The following SPAG16 variants were observed in gnomAD, a reference collection of about 807,000 sequenced individuals.
SPAG16 encodes the protein sperm associated antigen 16.
SPAG16 carries 86 observed loss-of-function variants against 80.4 expected under a neutral mutation model. The ratio of observed to expected loss-of-function variants is 1.07; its 90% CI spans 0.90 to 1.28. The LOEUF is 1.28. SPAG16 is among the 50% of genes most tolerant of loss of function. The probability of loss-of-function intolerance (pLI) is 0.00; values close to 1 mark genes in which losing one functional copy is unlikely to be tolerated. For missense variants in SPAG16, 870 were observed against 765.3 expected (o/e 1.14, Z -1.61); for synonymous variants, 294 against 265.9 (o/e 1.11, Z -1.03).
chr2:213,648,190 G>A (rs936778452), intron 10 of SPAG16, among the ~76,000 whole-genome samples: 7 of 152,024 alleles, frequency 4.6e-5, no homozygotes, highest in African/African-American at 1.7e-4. Context: ...TGAAACTCTA[G>A]GAATAGCAAG....
chr2:213,705,139 T>G (rs183697668), intron 10 of SPAG16, among the ~76,000 whole-genome samples: 2 of 151,780 alleles, frequency 1.3e-5, no homozygotes, highest in Non-Finnish European at 2.9e-5. Flanking sequence ...TCGCAGCTAC[T>G]AGGGAGGCTG....
chr2:214,014,911 C>A (rs1485872215), intron 13 of SPAG16, among the ~76,000 whole-genome samples: 1 of 152,108 alleles, frequency 6.6e-6, no homozygotes, highest in Non-Finnish European at 1.5e-5. Context: ...TTCGGACAAG[C>A]TGGAAAGCAT....
rs1465485552 is a variant in SPAG16, at chr2:213,543,263, C to A, written c.1070+53173C>A. On this transcript the variant is annotated intron_variant, in intron 10 of 15. Coordinates refer to ENST00000331683, the MANE Select transcript of SPAG16 (RefSeq NM_024532.5). ...TTTTTTATGAATGGTCATTTCATAT[C>A]TTTTGCCTATTTCTCTATTAGACTC... Among the ~76,000 whole-genome samples the A allele has an allele frequency of 2.6e-5, 4 of 151,872 alleles. No individual in the cohort carries two copies. The South Asian group carries it at 6.2e-4, about 24-fold the overall frequency.
At chr2:214,104,255 C>T (rs1392053570) in intron 13 of SPAG16, among the ~76,000 whole-genome samples, 1 of 152,166 alleles carries the variant, frequency 6.6e-6, no homozygotes, top group Non-Finnish European at 1.5e-5. Flanking sequence ...AGGTCAGATA[C>T]AGAGACAAGA....
At chr2:214,389,731 G>T (rs1220780143) in intron 15 of SPAG16, among the ~76,000 whole-genome samples, 1 of 152,152 alleles carries the variant, frequency 6.6e-6, no homozygotes, top group Non-Finnish European at 1.5e-5. Context: ...AAATCCCAAT[G>T]CCAATTTTTT....
At chr2:214,107,849 C>T (rs889873402) in intron 13 of SPAG16, among the ~76,000 whole-genome samples, 5 of 152,134 alleles carry the variant, frequency 3.3e-5, no homozygotes, top group Non-Finnish European at 7.4e-5. Context: ...CTGAAAATAA[C>T]AGCTTTCTAA....
intron 10 of SPAG16, among the ~76,000 whole-genome samples, chr2:213,827,673 A>G (rs1025318624): frequency 3.9e-5 from 6 of 152,026 alleles, no homozygotes; most frequent in African/African-American, 7.2e-5. Flanking sequence ...TTCTGATTGA[A>G]TGACTCCCTT....
rs551299208 is a variant in SPAG16, at chr2:214,176,282, A to T, written c.1720+27016A>T. ...TAAAGGAAAGAAACTTCTTTTTTTA[A>T]AAAAAAAACAATATTATTGCTAGCT... On this transcript the variant is annotated intron_variant, in intron 15 of 15. Coordinates refer to ENST00000331683, the MANE Select transcript of SPAG16 (RefSeq NM_024532.5). Among the ~76,000 whole-genome samples the T allele has an allele frequency of 2.5e-3, 382 of 150,946 alleles. 4 individuals are homozygous for T. The highest frequency in any genetic ancestry group is 1.4e-3 in the Non-Finnish European group (97 of 67,370).
At chr2:213,734,197 C>T (rs2067186877) in intron 10 of SPAG16, among the ~76,000 whole-genome samples, 1 of 152,060 alleles carries the variant, frequency 6.6e-6, no homozygotes, top group Admixed American at 6.6e-5. Flanking sequence ...GAAAGAATTG[C>T]AAGGACTGTA....
intron 11 of SPAG16, 111 bp from the exon 12 acceptor site, chr2:213,929,848 GT>G (rs5838403): frequency 0.034 from 30,703 of 912,566 alleles, 631 homozygotes; most frequent in Middle Eastern, 0.069. Flanking sequence ...GCCACTACAA[GT>G]AAAAATAAAT....
chr2:213,473,359 G>A (rs188169316), intron 9 of SPAG16, among the ~76,000 whole-genome samples: 157 of 152,216 alleles, frequency 1.0e-3, no homozygotes, highest in African/African-American at 3.6e-3. Flanking sequence ...TGAGAACTGC[G>A]GTTCCTACTA....
chr2:213,606,323 T>A (rs1300187684), intron 10 of SPAG16, among the ~76,000 whole-genome samples: 1 of 152,214 alleles, frequency 6.6e-6, no homozygotes, highest in African/African-American at 2.4e-5. Context: ...AGGCATATTA[T>A]ATATTACAAA....
chr2:213,577,240 C>T (rs375013599), intron 10 of SPAG16, among the ~76,000 whole-genome samples: 9 of 152,044 alleles, frequency 5.9e-5, no homozygotes, highest in African/African-American at 1.9e-4. Flanking sequence ...GCAACATAAT[C>T]CTAGATAACC....
chr2:213,957,526 AG>A (rs2106341350), intron 12 of SPAG16, among the ~76,000 whole-genome samples: 1 of 152,142 alleles, frequency 6.6e-6, no homozygotes, highest in African/African-American at 2.4e-5. Flanking sequence ...GGATATAGTT[AG>A]ATCATGGTTT....
chr2:213,780,171 C>T (rs1477789419), intron 10 of SPAG16, among the ~76,000 whole-genome samples: 3 of 152,194 alleles, frequency 2.0e-5, no homozygotes, highest in Admixed American at 6.5e-5. Context: ...GGGGTCTGGC[C>T]TCATCCTGCA....
intron 15 of SPAG16, among the ~76,000 whole-genome samples, chr2:214,340,329 G>A (rs13005887): frequency 0.97 from 148,272 of 152,328 alleles, 72,311 homozygotes; most frequent in Middle Eastern, 1. Context: ...ACCTGCCCCA[G>A]CGTTATCCAT....
chr2:213,440,583 CAAAT>C (rs942659599), intron 9 of SPAG16, among the ~76,000 whole-genome samples: 2 of 151,798 alleles, frequency 1.3e-5, no homozygotes, highest in African/African-American at 2.4e-5. Context: ...ACAACAACAA[CAAAT>C]AGTCAATGTA....
intron 13 of SPAG16, among the ~76,000 whole-genome samples, chr2:214,047,797 A>G (rs1001959059): frequency 2.6e-5 from 4 of 152,210 alleles, no homozygotes; most frequent in African/African-American, 7.2e-5. Flanking sequence ...ACATCTGATA[A>G]GGTATTAGTA....
chr2:213,510,703 T>G (rs2075191863), intron 10 of SPAG16, among the ~76,000 whole-genome samples: 1 of 152,186 alleles, frequency 6.6e-6, no homozygotes, highest in Non-Finnish European at 1.5e-5. Flanking sequence ...CAGGCATAAT[T>G]TTTTAATCTG....
Sources: allele counts gnomAD v4.1 joint callset (sites outside exome capture counted in the v4.1 genomes callset), GRCh38; gene constraint gnomAD v4.1.1; transcripts MANE v1.5; gene names NCBI Gene and HGNC (gene_info 2026-07-23, HGNC 2026-07-21).